NCOA6: variants seen among roughly 807,000 people sequenced by gnomAD.
NCOA6 encodes the protein NRC RAP250.
A neutral mutation model predicts 171.4 loss-of-function variants in NCOA6; 49 were observed. That is an observed-to-expected ratio of 0.29 (90% CI 0.23 to 0.36). The LOEUF is 0.36. Ranked by LOEUF, NCOA6 falls within the 10% of genes least tolerant of loss-of-function variation. The pLI, the probability that NCOA6 is intolerant of heterozygous loss-of-function variation, is 1.00. For missense variants in NCOA6, 2,248 were observed against 2,554.5 expected (o/e 0.88, Z 2.59); for synonymous variants, 910 against 927.5 (o/e 0.98, Z 0.34).
At chr20:34,775,287 T>C (rs2077275100) in intron 4 of NCOA6, among the ~76,000 whole-genome samples, 1 of 151,642 alleles carries the variant, frequency 6.6e-6, no homozygotes, top group Admixed American at 6.6e-5. Flanking sequence ...TCTAGGGGTG[T>C]AGGGTTATAG....
Position 34,758,092 on chromosome 20 carries a change from G to A in NCOA6, c.656C>T (p.Pro219Leu), listed in dbSNP as rs1479065188. ...RPASQSDAMD[P>L]LLSGLHIQQQ... ...CTGTATATGGAGCCCAGAGAGGAGT[G>A]GATCCATTGCATCTGTTTAAAGATA... is the stretch of plus-strand genomic sequence containing the variant. Residue 219 changes from proline to leucine, a missense_variant, in exon 7 of 15, where the codon CCA becomes CTA. Pro to Leu is a moderately conservative substitution (Grantham distance 98, BLOSUM62 -3). Around this residue, in one of 7 missense-constraint regions of NCOA6, gnomAD observed 987 missense variants for 1,104.7 expected, o/e 0.89. Transcript: ENST00000359003. 3.1e-6 allele frequency: 5 copies of A among 1,609,216 alleles called. No homozygotes were observed. The Admixed American group carries it at 5.0e-5, about 16-fold the overall frequency.
intron 14 of NCOA6, among the ~76,000 whole-genome samples, chr20:34,722,294 T>C (rs1248637125): frequency 6.6e-6 from 1 of 151,626 alleles, no homozygotes; most frequent in Non-Finnish European, 1.5e-5. Flanking sequence ...GGCACAAGAA[T>C]TGCTTGAACC....
intron 14 of NCOA6, among the ~76,000 whole-genome samples, chr20:34,721,347 G>A (rs1218186595): frequency 1.3e-5 from 2 of 151,800 alleles, no homozygotes; most frequent in African/African-American, 4.8e-5. Flanking sequence ...TGCTAAGAGG[G>A]TGGTGCACCA....
Position 34,740,899 on chromosome 20 carries a change from G to T in NCOA6, c.5357C>A (p.Ser1786Tyr). Residue 1786 changes from serine to tyrosine, a missense_variant, in exon 11 of 15, where the codon TCT (serine) becomes TAT (tyrosine). By Grantham distance (144) the Ser-to-Tyr change is moderately radical. Around this residue, in one of 7 missense-constraint regions of NCOA6, gnomAD observed 884 missense variants for 941.9 expected, o/e 0.94. Coordinates refer to ENST00000359003, the MANE Select transcript of NCOA6 (RefSeq NM_014071.5). ...NTSADQNTLP[S>Y]SQSTTMVSPL... ...AGAAACCATTGTGGTTGACTGTGAA[G>T]AGGGAAGAGTGTTCTGATCTGCTGA... The T allele has an allele frequency of 6.2e-7, 1 of 1,614,218 alleles. No individual in the cohort carries two copies. Among genetic ancestry groups the T allele is most frequent in the Non-Finnish European group, 8.5e-7 (1 of 1,180,042 alleles).
chr20:34,754,385 T>A (rs532457995), intron 8 of NCOA6, among the ~76,000 whole-genome samples: 2 of 152,350 alleles, frequency 1.3e-5, no homozygotes, highest in Admixed American at 1.3e-4. Context: ...GGCTACTTTC[T>A]GTGCTATCAT....
intron 4 of NCOA6, among the ~76,000 whole-genome samples, chr20:34,775,154 G>T (rs936673296): frequency 1.3e-5 from 2 of 152,160 alleles, no homozygotes; most frequent in Admixed American, 1.3e-4. Flanking sequence ...GGGCAAGGGA[G>T]GAAAGTTACA....
intron 9 of NCOA6, 63 bp from the exon 10 acceptor site, chr20:34,746,991 A>C: frequency 7.3e-7 from 1 of 1,377,570 alleles, no homozygotes; most frequent in Non-Finnish European, 9.6e-7. Flanking sequence ...AAAATACACA[A>C]AACTAGCTTA....
At chr20:34,764,462 G>C (rs981586633) in intron 5 of NCOA6, among the ~76,000 whole-genome samples, 1 of 152,092 alleles carries the variant, frequency 6.6e-6, no homozygotes, top group African/African-American at 2.4e-5. Context: ...GGGAGGCTGA[G>C]ACGCGTGGAT....
rs200286160 is a variant in NCOA6 at position 34,715,323 on chromosome 20, T to C, written c.6191A>G (p.Ter2064=). 6.2e-7 allele frequency: 1 copy of C among 1,614,098 alleles called. No individual in the cohort carries two copies. The highest frequency in any genetic ancestry group is 8.5e-7 in the Non-Finnish European group (1 of 1,179,942). Residue 2064 remains the stop codon, a stop_retained_variant, in exon 15 of 15, where the codon TAA becomes TGA. Transcript: ENST00000359003. Reference sequence around the variant, plus strand: ...GTATCAAGTCGCAGTCCTGCTTGTTTACTTGGATTTTCTTCGCTTGGATTG... The same window carrying C: ...GTATCAAGTCGCAGTCCTGCTTGTTCACTTGGATTTTCTTCGCTTGGATTG... The part of the protein sequence containing the change: ...AVQSKRRKSK[*]
intron 1 of NCOA6, among the ~76,000 whole-genome samples, chr20:34,808,982 C>T (rs2078559099): frequency 6.6e-6 from 1 of 152,204 alleles, no homozygotes; most frequent in Admixed American, 6.5e-5. Flanking sequence ...ATGAAACTAA[C>T]TATATACACC....
At chr20:34,722,524 T>C (rs559285377) in intron 14 of NCOA6, among the ~76,000 whole-genome samples, 1 of 149,336 alleles carries the variant, frequency 6.7e-6, no homozygotes, top group South Asian at 2.1e-4. Flanking sequence ...ACAAAAAAAT[T>C]AAAAAATTAG....
At chr20:34,719,925 A>C (rs1268144096) in intron 14 of NCOA6, among the ~76,000 whole-genome samples, 1 of 152,194 alleles carries the variant, frequency 6.6e-6, no homozygotes, top group Non-Finnish European at 1.5e-5. Context: ...GTTTTAATTC[A>C]GTATATCTTT....
intron 13 of NCOA6, among the ~76,000 whole-genome samples, chr20:34,730,334 T>A (rs1273408549): frequency 6.6e-6 from 1 of 151,902 alleles, no homozygotes; most frequent in African/African-American, 2.4e-5. Flanking sequence ...CAATCCTCCC[T>A]CCTTGGTCTC....
intron 3 of NCOA6, chr20:34,776,789 C>T (rs1361882701): frequency 2.1e-5 from 10 of 469,288 alleles, no homozygotes; most frequent in South Asian, 3.1e-5. Flanking sequence ...AACGGAAAGC[C>T]GTAAGATGGA....
chr20:34,754,595 T>C lies in NCOA6; in HGVS notation c.1675+127A>G, dbSNP rs548582359. The C allele has an allele frequency of 7.8e-6, 9 of 1,153,800 alleles. No homozygotes were observed. In the African/African-American group the frequency reaches 1.4e-4, roughly 18 times the overall value. 71.5% of individuals were successfully genotyped at this position (1,153,800 alleles called of 1,614,324 possible). A position where few individuals can be genotyped will look rare whatever the true frequency, so the allele number is the denominator to read the frequency against. ...AAAAGTTACTGCCCTGAAAGAATAA[T>C]TATTTATGGGCTTGAAATTAAGGGG... On this transcript the variant is annotated intron_variant, in intron 8 of 14. Coordinates refer to ENST00000359003, the MANE Select transcript of NCOA6 (RefSeq NM_014071.5).
Position 34,743,175 on chromosome 20 carries a change from C to T in NCOA6, c.3081G>A (p.Gln1027=). The change falls in exon 11 of 15, where the codon CAG becomes CAA. Residue 1027 remains glutamine (Q), a synonymous_variant. Transcript: ENST00000359003. The stretch of plus-strand genomic sequence containing the variant: ...TCATCATCATTTGTTGCTGCTGCTG[C>T]TGCTGCTGCTGAGACTGTGGCTGAC... ...PPSQPQSQQQ[Q]QQQQQMMMML... The T allele has an allele frequency of 1.9e-6, 3 of 1,613,998 alleles. No individual in the cohort carries two copies. Among genetic ancestry groups the T allele is most frequent in the Non-Finnish European group, 2.5e-6 (3 of 1,179,978 alleles).
intron 12 of NCOA6, among the ~76,000 whole-genome samples, chr20:34,736,177 G>C (rs906520246): frequency 2.6e-5 from 4 of 152,046 alleles, no homozygotes; most frequent in African/African-American, 4.8e-5. Flanking sequence ...ACAATATATT[G>C]GTCATGGGGA....
intron 11 of NCOA6, among the ~76,000 whole-genome samples, chr20:34,737,967 C>A (rs6120707): frequency 0.013 from 2,018 of 152,296 alleles, 38 homozygotes; most frequent in African/African-American, 0.046. Flanking sequence ...GGCAGGATCT[C>A]GGTTCACCAC....
intron 11 of NCOA6, among the ~76,000 whole-genome samples, chr20:34,739,982 C>A (rs1312112725): frequency 6.6e-6 from 1 of 152,096 alleles, no homozygotes; most frequent in Non-Finnish European, 1.5e-5. Flanking sequence ...CATGCCTCAG[C>A]CTCCTGAGTA....
Sources: gnomAD v4.1 joint callset for allele counts (sites outside exome capture counted in the v4.1 genomes callset) on GRCh38, gnomAD v4.1.1 for gene constraint, gnomAD v4.1.1 regional missense constraint, MANE v1.5 for transcripts, NCBI Gene and HGNC (gene_info 2026-07-23, HGNC 2026-07-21) for gene names.